PDE6D: variants seen among roughly 807,000 people sequenced by gnomAD.
PDE6D encodes the protein retinal rod rhodopsin-sensitive cGMP 3',5'-cyclic phosphodiesterase subunit delta.
In PDE6D, 10 loss-of-function variants were observed where a neutral mutation model predicts 21.9. The observed-to-expected ratio is 0.46, with a 90% CI of 0.28 to 0.78. The LOEUF is 0.78. Ranked by LOEUF, PDE6D falls within the 30% of genes least tolerant of loss-of-function variation. The pLI is 0.12. For synonymous variants in PDE6D, 59 were observed against 63.5 expected (o/e 0.93, Z 0.34); for missense variants, 139 against 184.8 (o/e 0.75, Z 1.44).
chr2:231,776,592 C>A (rs1396708944), intron 1 of PDE6D, among the ~76,000 whole-genome samples: 1 of 152,120 alleles, frequency 6.6e-6, no homozygotes, highest in Non-Finnish European at 1.5e-5. Context: ...AAATGCATTG[C>A]TTTTGAAGAT....
At position 231,781,148 on chromosome 2, in the gene PDE6D, C is replaced by T. The variant is rs765938893; in HGVS notation, c.-34G>A. ...GGTCGCCGCCCGCGGCTTTCTCACT[C>T]TGGTCGGCGGAGCCTCGCAGACGGT... On this transcript the variant is annotated 5_prime_UTR_variant, in exon 1 of 5. Transcript: ENST00000287600. 2 of 1,609,624 alleles carry T rather than the reference C, an allele frequency of 1.2e-6. No homozygotes were observed. The highest frequency in any genetic ancestry group is 2.2e-5 in the East Asian group (1 of 44,806).
At chr2:231,766,603 C>G (rs2106282556) in intron 1 of PDE6D, among the ~76,000 whole-genome samples, 1 of 152,264 alleles carries the variant, frequency 6.6e-6, no homozygotes, top group South Asian at 2.1e-4. Context: ...TGAATCCTGT[C>G]AAAATCTACA....
At chr2:231,745,919 GA>G (rs2048790325) in intron 1 of PDE6D, among the ~76,000 whole-genome samples, 1 of 152,016 alleles carries the variant, frequency 6.6e-6, no homozygotes. Context: ...AAGGATTGGG[GA>G]TCAGAAGAGA....
intron 1 of PDE6D, among the ~76,000 whole-genome samples, chr2:231,777,161 C>T (rs1189552451): frequency 3.3e-5 from 5 of 152,138 alleles, no homozygotes; most frequent in Non-Finnish European, 2.9e-5. Context: ...AAACTCTTCT[C>T]ACAAAAACAG....
At chr2:231,740,848 G>GA (rs1329452537) in intron 1 of PDE6D, among the ~76,000 whole-genome samples, 7 of 151,552 alleles carry the variant, frequency 4.6e-5, no homozygotes, top group Admixed American at 1.3e-4. Flanking sequence ...TTCGTAGATG[G>GA]AAAGTGTCTA....
At chr2:231,736,246 A>C (rs938340207) in intron 4 of PDE6D, among the ~76,000 whole-genome samples, 1 of 152,182 alleles carries the variant, frequency 6.6e-6, no homozygotes, top group East Asian at 1.9e-4. Context: ...ATTTTTAACA[A>C]ATTCAATATG....
At chr2:231,751,710 T>C (rs867873158) in intron 1 of PDE6D, among the ~76,000 whole-genome samples, 4 of 152,350 alleles carry the variant, frequency 2.6e-5, no homozygotes, top group South Asian at 4.1e-4. Context: ...ACTGGAGTTA[T>C]GGGTTTTTTG....
At chr2:231,744,466 C>A (rs1311178377) in intron 1 of PDE6D, among the ~76,000 whole-genome samples, 6 of 147,494 alleles carry the variant, frequency 4.1e-5, no homozygotes, top group African/African-American at 1.5e-4. Context: ...CAGAGTTTCG[C>A]TCTTGTTGCC....
intron 1 of PDE6D, among the ~76,000 whole-genome samples, chr2:231,753,550 C>CA (rs552580821): frequency 1.7e-4 from 24 of 145,400 alleles, no homozygotes; most frequent in East Asian, 4.0e-4. Context: ...GACCCTGTCT[C>CA]AAAAAAAATA....
At chr2:231,773,140 G>A (rs954475699) in intron 1 of PDE6D, among the ~76,000 whole-genome samples, 2 of 152,014 alleles carry the variant, frequency 1.3e-5, no homozygotes, top group African/African-American at 4.8e-5. Flanking sequence ...CACTCAGGAG[G>A]GTGAGGCAGA....
chr2:231,741,113 C>CAAAA (rs56947117), intron 1 of PDE6D, among the ~76,000 whole-genome samples: 31 of 54,864 alleles, frequency 5.7e-4, no homozygotes, highest in African/African-American at 2.1e-3. Flanking sequence ...AACCCTGTCT[C>CAAAA]AAAAAAAAAA....
chr2:231,775,142 G>A (rs564578944), intron 1 of PDE6D, among the ~76,000 whole-genome samples: 1 of 151,702 alleles, frequency 6.6e-6, no homozygotes, highest in African/African-American at 2.4e-5. Flanking sequence ...TCAAACTCTT[G>A]GCCTCAAGTG....
At chr2:231,761,336 C>T (rs1194349973) in intron 1 of PDE6D, among the ~76,000 whole-genome samples, 33 of 152,000 alleles carry the variant, frequency 2.2e-4, no homozygotes, top group Admixed American at 3.3e-4. Flanking sequence ...CCACCACGCC[C>T]GGCTAATTTT....
At chr2:231,751,819 C>T (rs1050285808) in intron 1 of PDE6D, among the ~76,000 whole-genome samples, 4 of 152,114 alleles carry the variant, frequency 2.6e-5, no homozygotes, top group African/African-American at 9.7e-5. Context: ...CCTTCATCAC[C>T]TGGTTGAGGG....
At chr2:231,735,886 G>A (rs2048696717) in intron 4 of PDE6D, among the ~76,000 whole-genome samples, 2 of 151,886 alleles carry the variant, frequency 1.3e-5, no homozygotes, top group Non-Finnish European at 2.9e-5. Context: ...AAAATTAACC[G>A]GTGTGGTGGT....
At chr2:231,770,442 G>GA (rs1485894654) in intron 1 of PDE6D, among the ~76,000 whole-genome samples, 6 of 151,562 alleles carry the variant, frequency 4.0e-5, no homozygotes, top group Non-Finnish European at 8.8e-5. Context: ...TGAATTGAGG[G>GA]AAAAAAAAGA....
chr2:231,766,591 C>T (rs971967267), intron 1 of PDE6D, among the ~76,000 whole-genome samples: 4 of 152,154 alleles, frequency 2.6e-5, no homozygotes, highest in African/African-American at 9.6e-5. Flanking sequence ...GGGATATTGC[C>T]TTGAATCCTG....
intron 1 of PDE6D, among the ~76,000 whole-genome samples, chr2:231,758,493 T>C (rs1487672148): frequency 6.6e-6 from 1 of 152,194 alleles, no homozygotes; most frequent in African/African-American, 2.4e-5. Context: ...ATAAGAATCA[T>C]GTACAACAGT....
intron 1 of PDE6D, among the ~76,000 whole-genome samples, chr2:231,751,118 TAG>T (rs2048836499): frequency 7.6e-6 from 1 of 132,144 alleles, no homozygotes; most frequent in Non-Finnish European, 1.6e-5. Context: ...TATTCTATTC[TAG>T]TCTTTTTTTT....
Sources: allele counts gnomAD v4.1 joint callset (sites outside exome capture counted in the v4.1 genomes callset), GRCh38; gene constraint gnomAD v4.1.1; transcripts MANE v1.5; gene names NCBI Gene and HGNC (gene_info 2026-07-23, HGNC 2026-07-21).